The following PTDSS1 variants were observed in gnomAD, a reference collection of about 807,000 sequenced individuals.
PTDSS1 encodes the protein PSS-1.
PTDSS1 carries 45 observed loss-of-function variants against 70.5 expected under a neutral mutation model. That is an observed-to-expected ratio of 0.64 (90% CI 0.50 to 0.82). The LOEUF (loss-of-function observed/expected upper bound fraction) is 0.82. Among genes scored for constraint, PTDSS1 ranks in the 40% least tolerant of loss-of-function variants. The pLI, the probability that PTDSS1 is intolerant of heterozygous loss-of-function variation, is 0.00. For missense variants in PTDSS1, 417 were observed against 586.1 expected (o/e 0.71, Z 2.98); for synonymous variants, 188 against 203.8 (o/e 0.92, Z 0.66).
intron 9 of PTDSS1, among the ~76,000 whole-genome samples, chr8:96,309,972 GGT>G (rs372426990): frequency 1.4e-3 from 208 of 151,878 alleles, no homozygotes; most frequent in African/African-American, 4.5e-3. Context: ...AGACTAACCT[GGT>G]CAACATGGCG....
rs1479714915 is a variant in PTDSS1 at position 96,268,517 on chromosome 8, T to A, written c.180-4782T>A. On this transcript the variant is annotated intron_variant, in intron 1 of 12. Coordinates refer to ENST00000517309, the MANE Select transcript of PTDSS1 (RefSeq NM_014754.3). ...ACTTGTCTAAAAGATTGTAGGCAAG[T>A]GAATGGACTTTGCTTTGGTTTCCTG... 2.0e-5 allele frequency among the ~76,000 whole-genome samples: 3 copies of A among 152,132 alleles called. No individual in the cohort carries two copies. In the East Asian group the frequency reaches 5.8e-4, roughly 29 times the overall value.
chr8:96,276,959 C>G (rs1360662814), intron 2 of PTDSS1, among the ~76,000 whole-genome samples: 3 of 142,648 alleles, frequency 2.1e-5, no homozygotes, highest in African/African-American at 8.2e-5. Flanking sequence ...CTCCCGGGCA[C>G]ATACACGCGC....
chr8:96,290,278 A>T (rs374981595), intron 4 of PTDSS1, among the ~76,000 whole-genome samples: 29 of 152,366 alleles, frequency 1.9e-4, no homozygotes, highest in African/African-American at 7.0e-4. Flanking sequence ...ATTTTCCCAA[A>T]CATCTTTCTT....
chr8:96,280,739 C>A (rs916056128), intron 2 of PTDSS1, among the ~76,000 whole-genome samples: 2 of 152,074 alleles, frequency 1.3e-5, no homozygotes, highest in Admixed American at 1.3e-4. Flanking sequence ...GAGTAAGTAA[C>A]CAAACCACAG....
At chr8:96,302,940 AT>A (rs1197449001) in intron 6 of PTDSS1, among the ~76,000 whole-genome samples, 1 of 152,190 alleles carries the variant, frequency 6.6e-6, no homozygotes, top group Non-Finnish European at 1.5e-5. Flanking sequence ...TCTTATGTTT[AT>A]TCTTGAAATT....
intron 1 of PTDSS1, among the ~76,000 whole-genome samples, chr8:96,267,604 T>A (rs926479844): frequency 3.3e-5 from 5 of 152,240 alleles, no homozygotes; most frequent in Admixed American, 6.5e-5. Context: ...GCTGTAATTC[T>A]TCACAAGGAT....
chr8:96,329,723 C>G (rs1047557400), intron 10 of PTDSS1, among the ~76,000 whole-genome samples: 3 of 152,200 alleles, frequency 2.0e-5, no homozygotes, highest in Non-Finnish European at 4.4e-5. Context: ...GCAGCCCTGT[C>G]CAGCTAAGCT....
chr8:96,304,058 C>T lies in PTDSS1; in HGVS notation c.771C>T (p.Thr257=), dbSNP rs766797649. 10 of 1,612,584 alleles carry T rather than the reference C, an allele frequency of 6.2e-6. No homozygotes were observed. Among genetic ancestry groups the T allele is most frequent in the Admixed American group, 1.7e-5 (1 of 59,644 alleles). Residue 257 remains threonine, a synonymous_variant, in exon 7 of 13, where the codon ACC becomes ACT. Transcript: ENST00000517309. ...CTTACAGGGACATTCATACCACCACCGGGAAGATCAAGAGAGCTGTTCTGC... is the reference window on the plus strand; with the variant it reads ...CTTACAGGGACATTCATACCACCACTGGGAAGATCAAGAGAGCTGTTCTGC... ...WASFKDIHTT[T]GKIKRAVLQF...
chr8:96,294,757 T>C (rs1455686859), intron 4 of PTDSS1, among the ~76,000 whole-genome samples: 1 of 152,222 alleles, frequency 6.6e-6, no homozygotes, highest in Non-Finnish European at 1.5e-5. Context: ...AATCTTTTAT[T>C]TGTGCTTTAG....
At position 96,336,927 on chromosome 8, in the gene PTDSS1, T is replaced by G. The variant is rs1811599537; in HGVS notation, c.*3361T>G. The G allele has an allele frequency of 1.6e-5, 2 of 128,104 alleles. No homozygotes were observed. The highest frequency in any genetic ancestry group is 6.2e-5 in the African/African-American group (2 of 32,186). The allele number at this position is 128,104 out of a possible 1,614,324, so 7.9% of individuals were successfully genotyped here. A position where few individuals can be genotyped will look rare whatever the true frequency, so the allele number is the denominator to read the frequency against. The stretch of plus-strand genomic sequence containing the variant: ...AGAAGAAATGCTTGAACCCAGGAGG[T>G]GGAGGTTCCAGTGAGCCGAGATCAC... On this transcript the variant is annotated 3_prime_UTR_variant, in exon 13 of 13. Transcript: ENST00000517309.
chr8:96,271,110 G>C (rs1465779213), intron 1 of PTDSS1, among the ~76,000 whole-genome samples: 2 of 152,044 alleles, frequency 1.3e-5, no homozygotes, highest in African/African-American at 4.8e-5. Flanking sequence ...TACATCAAAG[G>C]GTATGTGGTG....
intron 7 of PTDSS1, among the ~76,000 whole-genome samples, chr8:96,305,895 G>A (rs762053906): frequency 6.6e-6 from 1 of 152,142 alleles, no homozygotes; most frequent in African/African-American, 2.4e-5. Context: ...TGGCCAGGCT[G>A]GTCTCAAACA....
At chr8:96,333,337 A>G in intron 12 of PTDSS1, 120 bp from the exon 13 acceptor site, 5 of 806,660 alleles carry the variant, frequency 6.2e-6, no homozygotes, top group Non-Finnish European at 1.1e-5. Flanking sequence ...TGAGGCCACT[A>G]GGGGGAGTGC....
chr8:96,267,183 C>T (rs772329114), intron 1 of PTDSS1, among the ~76,000 whole-genome samples: 3 of 152,196 alleles, frequency 2.0e-5, no homozygotes, highest in Non-Finnish European at 4.4e-5. Context: ...TACAGTTTTT[C>T]AGTCTTAACT....
chr8:96,286,345 A>G (rs1411204718), intron 3 of PTDSS1, among the ~76,000 whole-genome samples: 6 of 152,242 alleles, frequency 3.9e-5, no homozygotes, highest in Non-Finnish European at 5.9e-5. Flanking sequence ...TCTTTTTAAA[A>G]TGACACATAG....
chr8:96,297,187 G>GC (rs1554584100), intron 5 of PTDSS1, among the ~76,000 whole-genome samples: 2 of 150,960 alleles, frequency 1.3e-5, no homozygotes, highest in African/African-American at 2.4e-5. Flanking sequence ...CCATTACTCT[G>GC]TTTTTTTTTG....
At chr8:96,281,027 A>G (rs1354492885) in intron 2 of PTDSS1, among the ~76,000 whole-genome samples, 4 of 152,246 alleles carry the variant, frequency 2.6e-5, no homozygotes, top group East Asian at 3.9e-4. Context: ...ATGCTGTGGA[A>G]TGCGGGGCTC....
chr8:96,314,075 G>A (rs995604401), intron 9 of PTDSS1, among the ~76,000 whole-genome samples: 1 of 152,130 alleles, frequency 6.6e-6, no homozygotes, highest in South Asian at 2.1e-4. Context: ...ACAGGGTCTT[G>A]CTGTGTTGCC....
Position 96,261,910 on chromosome 8 carries a change from T to A in PTDSS1, c.-131T>A. 1.0e-6 allele frequency: 1 copy of A among 995,118 alleles called. No individual in the cohort carries two copies. The highest frequency in any genetic ancestry group is 1.4e-6 in the Non-Finnish European group (1 of 694,000). 61.6% of individuals were successfully genotyped at this position (995,118 alleles called of 1,614,324 possible). The stretch of plus-strand genomic sequence containing the variant: ...CTCTCGCGCCTGTCCTTCCCTCTGC[T>A]CCCAGCCTTTGCTGGGCGCCAGACC... On this transcript the variant is annotated 5_prime_UTR_variant, in exon 1 of 13. Coordinates refer to ENST00000517309, the MANE Select transcript of PTDSS1 (RefSeq NM_014754.3).
Sources: allele counts gnomAD v4.1 joint callset (sites outside exome capture counted in the v4.1 genomes callset), GRCh38; gene constraint gnomAD v4.1.1; transcripts MANE v1.5; gene names NCBI Gene and HGNC (gene_info 2026-07-23, HGNC 2026-07-21).